Variants in TCAIM observed in about 807,000 individuals in gnomAD.
TCAIM encodes T-cell activation inhibitor, mitochondrial.
TCAIM carries 36 observed loss-of-function variants against 58.6 expected under a neutral mutation model. The ratio of observed to expected loss-of-function variants is 0.61; its 90% CI spans 0.47 to 0.81. The LOEUF is 0.81. TCAIM is among the 30% of genes least tolerant of loss of function. The pLI, the probability that TCAIM is intolerant of heterozygous loss-of-function variation, is 0.00. For synonymous variants in TCAIM, 172 were observed against 193.6 expected (o/e 0.89, Z 0.93); for missense variants, 466 against 579.6 (o/e 0.80, Z 2.01).
chr3:44,338,145 T>A (rs1214693615), upstream of TCAIM: 1 of 152,534 alleles, frequency 6.6e-6, no homozygotes, highest in Non-Finnish European at 1.5e-5. Context: ...TTTCCCCTTC[T>A]TCCCCAAGAT....
At chr3:44,355,583 G>A (rs1220083584) in intron 2 of TCAIM, among the ~76,000 whole-genome samples, 2 of 152,242 alleles carry the variant, frequency 1.3e-5, no homozygotes, top group East Asian at 3.8e-4. Flanking sequence ...CAGTTTTGTA[G>A]TGATGATAAT....
rs746932640 is a variant in TCAIM at position 44,401,236 on chromosome 3, G to A, written c.1152G>A (p.Gly384=). 3 of 1,613,984 alleles carry A rather than the reference G, an allele frequency of 1.9e-6. No homozygotes were observed. Among genetic ancestry groups the A allele is most frequent in the Admixed American group, 3.3e-5 (2 of 60,004 alleles). ...ATGCTCCAAGCTTGCATGAACTCGG[G>A]CATTTTAATATTCCAACACTCTGTG... ...DRYAPSLHEL[G]HFNIPTLCDP... The change falls in exon 10 of 11, where the codon GGG becomes GGA. Residue 384 remains glycine (G), a synonymous_variant. Coordinates refer to ENST00000342649, the MANE Select transcript of TCAIM (RefSeq NM_173826.4).
chr3:44,377,715 G>C (rs1701588694), intron 5 of TCAIM, among the ~76,000 whole-genome samples: 1 of 152,068 alleles, frequency 6.6e-6, no homozygotes, highest in African/African-American at 2.4e-5. Flanking sequence ...AACAACAGAA[G>C]TAAAACTGGA....
intron 5 of TCAIM, among the ~76,000 whole-genome samples, chr3:44,389,984 C>T (rs999573312): frequency 2.6e-5 from 4 of 152,172 alleles, no homozygotes; most frequent in Non-Finnish European, 4.4e-5. Flanking sequence ...AGATCTGATA[C>T]ATCTTTCAGG....
chr3:44,393,490 A>G (rs991352136), intron 6 of TCAIM, among the ~76,000 whole-genome samples: 8 of 152,166 alleles, frequency 5.3e-5, no homozygotes, highest in African/African-American at 1.7e-4. Context: ...TCTTTCTTCT[A>G]TATATAGATA....
intron 5 of TCAIM, among the ~76,000 whole-genome samples, chr3:44,383,121 C>A: frequency 6.6e-6 from 1 of 152,122 alleles, no homozygotes. Context: ...AAACTGGAAC[C>A]CTTATGCACT....
intron 10 of TCAIM, among the ~76,000 whole-genome samples, chr3:44,403,378 C>A (rs185059173): frequency 3.9e-5 from 6 of 152,284 alleles, no homozygotes; most frequent in Admixed American, 3.9e-4. Flanking sequence ...GGAGCAGCAT[C>A]TCTTTTGTTT....
At chr3:44,348,273 C>G (rs1701012607) in intron 1 of TCAIM, among the ~76,000 whole-genome samples, 1 of 152,180 alleles carries the variant, frequency 6.6e-6, no homozygotes, top group African/African-American at 2.4e-5. Context: ...CATCAGGCAG[C>G]ATCAGTCTTC....
At chr3:44,353,942 T>A (rs1701142837) in intron 1 of TCAIM, among the ~76,000 whole-genome samples, 1 of 152,244 alleles carries the variant, frequency 6.6e-6, no homozygotes, top group Admixed American at 6.5e-5. Context: ...GAAGTCCAGC[T>A]TACCAGTTAA....
intron 4 of TCAIM, among the ~76,000 whole-genome samples, chr3:44,366,976 CAT>C (rs1359647134): frequency 1.3e-5 from 2 of 152,158 alleles, no homozygotes; most frequent in Admixed American, 1.3e-4. Context: ...CTCCTTCAAT[CAT>C]AGAGAAAATT....
intron 5 of TCAIM, among the ~76,000 whole-genome samples, chr3:44,368,558 T>TC (rs1701416936): frequency 6.6e-6 from 1 of 152,254 alleles, no homozygotes; most frequent in South Asian, 2.1e-4. Flanking sequence ...TGTATGTATG[T>TC]ACCTACGTGT....
chr3:44,396,680 T>G, intron 7 of TCAIM, 63 bp from the exon 8 acceptor site: 1 of 1,558,998 alleles, frequency 6.4e-7, no homozygotes, highest in Non-Finnish European at 8.8e-7. Flanking sequence ...ATACACTATT[T>G]GCACAATGCT....
chr3:44,398,303 G>A (rs934581314), intron 8 of TCAIM, among the ~76,000 whole-genome samples: 4 of 152,004 alleles, frequency 2.6e-5, no homozygotes, highest in East Asian at 1.9e-4. Context: ...GGTGGCAGGC[G>A]CCTATAGTCC....
chr3:44,356,173 T>G (rs942461580), intron 2 of TCAIM, among the ~76,000 whole-genome samples: 1 of 152,238 alleles, frequency 6.6e-6, no homozygotes, highest in Non-Finnish European at 1.5e-5. Context: ...TTCTAAAGAC[T>G]TGTCACACCT....
intron 1 of TCAIM, among the ~76,000 whole-genome samples, chr3:44,345,961 AAGTTTTTGGGGTAC>A (rs1053011990): frequency 6.6e-6 from 1 of 152,114 alleles, no homozygotes; most frequent in Non-Finnish European, 1.5e-5. Flanking sequence ...TAGGGATGAC[AAGTTTTTGGGGTAC>A]AGTCCAAGTT....
chr3:44,403,567 C>G (rs2125658042), intron 10 of TCAIM, among the ~76,000 whole-genome samples: 1 of 152,290 alleles, frequency 6.6e-6, no homozygotes, highest in South Asian at 2.1e-4. Context: ...ATTTTGTTTG[C>G]TATAACCTAT....
rs80079063 is a variant in TCAIM, at chr3:44,354,765, G to T, written c.-18G>T. ...AATTAATGGATGCCTCGAAGTTGAC[G>T]TACATATATATTCAGAAATGTTTTG... On this transcript the variant is annotated 5_prime_UTR_variant, in exon 2 of 11. Coordinates refer to ENST00000342649, the MANE Select transcript of TCAIM (RefSeq NM_173826.4). 3.7e-6 allele frequency: 6 copies of T among 1,606,114 alleles called. No individual in the cohort carries two copies. Among genetic ancestry groups the T allele is most frequent in the Non-Finnish European group, 5.1e-6 (6 of 1,178,004 alleles).
intron 5 of TCAIM, among the ~76,000 whole-genome samples, chr3:44,380,403 G>C (rs912384992): frequency 1.3e-5 from 2 of 152,022 alleles, no homozygotes; most frequent in African/African-American, 4.8e-5. Context: ...AAAAATGTAT[G>C]ATTAACAATT....
intron 1 of TCAIM, among the ~76,000 whole-genome samples, chr3:44,344,986 T>A (rs1700935718): frequency 6.6e-6 from 1 of 152,204 alleles, no homozygotes; most frequent in East Asian, 1.9e-4. Context: ...CTTCAGGCCA[T>A]CTGGATGTAT....
Sources: gnomAD v4.1 joint callset for allele counts (sites outside exome capture counted in the v4.1 genomes callset) on GRCh38, gnomAD v4.1.1 for gene constraint, MANE v1.5 for transcripts, NCBI Gene and HGNC (gene_info 2026-07-23, HGNC 2026-07-21) for gene names.